Variants in PKLR observed in about 807,000 individuals in gnomAD.
PKLR encodes the protein pyruvate kinase L/R, also known as pyruvate kinase PKLR.
PKLR carries 38 observed loss-of-function variants against 53.6 expected under a neutral mutation model. The observed-to-expected ratio is 0.71, with a 90% confidence interval of 0.55 to 0.93. The LOEUF is 0.93. PKLR is among the 40% of genes least tolerant of loss of function. The pLI is 0.00. For synonymous variants in PKLR, 328 were observed against 316.2 expected (o/e 1.04, Z -0.39); for missense variants, 702 against 787.3 (o/e 0.89, Z 1.30).
At chr1:155,301,535 C>T, upstream of PKLR, 2 of 1,023,772 alleles carry the variant, frequency 2.0e-6, no homozygotes, top group South Asian at 2.8e-5. Context: ...GAATCCCTCC[C>T]CCAGAACGGC....
Position 155,295,225 on chromosome 1 carries a change from C to T in PKLR, c.585G>A (p.Gly195=), listed in dbSNP as rs754361540. Residue 195 remains glycine, a synonymous_variant, in exon 5 of 11, where the codon GGG becomes GGA. Coordinates refer to ENST00000342741, the MANE Select transcript of PKLR (RefSeq NM_000298.6). The surrounding 1 kb of genome is among the most constrained non-coding windows in gnomAD (Gnocchi z 4.3). ...VTVDPAFRTR[G]NANTVWVDYP... ...AGTCCACCCACACGGTGTTCGCGTT[C>T]CCCCGCGTCCGGAACGCGGGGTCCA... The T allele has an allele frequency of 6.2e-7, 1 of 1,613,936 alleles. No individual in the cohort carries two copies. The highest frequency in any genetic ancestry group is 2.2e-5 in the East Asian group (1 of 44,886).
intron 1 of PKLR, 138 bp from the exon 2 acceptor site, chr1:155,300,418 T>C: frequency 5.7e-6 from 4 of 703,344 alleles, no homozygotes; most frequent in Admixed American, 4.5e-5. Context: ...GTCACAAGGA[T>C]CCTATAAAGC....
In PKLR at chr1:155,290,644, C is replaced by G; in HGVS notation, c.1653G>C (p.Leu551=). 1 of 1,613,512 alleles carries G rather than the reference C, an allele frequency of 6.2e-7. No homozygotes were observed. The highest frequency in any genetic ancestry group is 8.5e-7 in the Non-Finnish European group (1 of 1,179,552). The change falls in exon 11 of 11, where the codon CTG becomes CTC. Residue 551 remains leucine (L), a synonymous_variant. Transcript: ENST00000342741. The part of the protein sequence containing the change: ...KLRGFLRVGD[L]VIVVTGWRPG... ...GTCGCCAGCCTGTCACCACAATCAC[C>G]AGGTCTCCAACACGGAGGAAGCCAC...
Position 155,299,045 on chromosome 1 carries a change from T to TTCC in PKLR, c.283+1052_283+1053insGGA, listed in dbSNP as rs1557963611. Among the ~76,000 whole-genome samples, 43 of 119,904 alleles carry TTCC rather than the reference T, an allele frequency of 3.6e-4. 4 individuals carry two copies. Among genetic ancestry groups the TTCC allele is most frequent in the East Asian group, 2.1e-3 (8 of 3,870 alleles). 78.7% of individuals were successfully genotyped at this position (119,904 alleles called of 152,430 possible). A position where few individuals can be genotyped will look rare whatever the true frequency, so the allele number is the denominator to read the frequency against. Reference sequence around the variant, plus strand: ...TTCTTTCTTTCTTTCTCTTTCTTTCTTTCTTTCCTTCCTTCCTTCCTTCCT... The same window carrying TTCC: ...TTCTTTCTTTCTTTCTCTTTCTTTCTTCCTTCTTTCCTTCCTTCCTTCCTTCCT... On this transcript the variant is annotated intron_variant, in intron 2 of 10. Transcript: ENST00000342741.
rs917170287 is a variant in PKLR at position 155,291,916 on chromosome 1, C to A, written c.1458G>T (p.Arg486=). The A allele has an allele frequency of 6.2e-7, 1 of 1,613,316 alleles. No homozygotes were observed. Among genetic ancestry groups the A allele is most frequent in the African/African-American group, 1.3e-5 (1 of 74,870 alleles). Residue 486 remains arginine (R), a synonymous_variant, in exon 10 of 11, where the codon CGG becomes CGT. Transcript: ENST00000342741. The stretch of plus-strand genomic sequence containing the variant: ...CAATGACTGCTGCCCGAGGTCGGTA[C>A]CGAGACAGAAGCTGGGCTGAGCTGG... ...TTGRSAQLLS[R]YRPRAAVIAV...
At chr1:155,299,030 CTT>C (rs1364715959) in intron 2 of PKLR, among the ~76,000 whole-genome samples, 4 of 84,650 alleles carry the variant, frequency 4.7e-5, no homozygotes, top group Admixed American at 1.1e-4. Flanking sequence ...TTCTTTCTTT[CTT>C]TCTCTTTCTT....
chr1:155,307,361 G>C, the PKLR span, among the ~76,000 whole-genome samples: 1 of 152,218 alleles, frequency 6.6e-6, no homozygotes, highest in East Asian at 1.9e-4. Context: ...GCGTGAACCA[G>C]AGCAACTCCA....
Position 155,293,121 on chromosome 1 carries a change from T to TACC in PKLR, c.1436+55_1436+56insGGT. 1 of 1,542,330 alleles carries TACC rather than the reference T, an allele frequency of 6.5e-7. No homozygotes were observed. On this transcript the variant is annotated intron_variant, in intron 9 of 10. Transcript: ENST00000342741. This position sits in a 1 kb window ranked among gnomAD's most constrained non-coding sequence, Gnocchi z 4.2. Reference sequence around the variant, plus strand: ...AGACTAAACCCAAGCCTGGGGCCCGTCCCAGCCCACCCCTGACCCAAAGCT... The same window carrying TACC: ...AGACTAAACCCAAGCCTGGGGCCCGTACCCCCAGCCCACCCCTGACCCAAAGCT...
intron 1 of PKLR, chr1:155,300,730 C>T (rs1245730687): frequency 8.0e-6 from 7 of 871,766 alleles, no homozygotes; most frequent in African/African-American, 5.0e-5. Context: ...CTCCAAAGGT[C>T]TCTGTTTTCT....
At position 155,291,849 on chromosome 1, in the gene PKLR, A is replaced by G. The variant is rs760208078; in HGVS notation, c.1525T>C (p.Cys509Arg). The G allele has an allele frequency of 6.2e-7, 1 of 1,614,150 alleles. No individual in the cohort carries two copies. Among genetic ancestry groups the G allele is most frequent in the Non-Finnish European group, 8.5e-7 (1 of 1,180,010 alleles). The change falls in exon 10 of 11, where the codon TGC becomes CGC. Residue 509 changes from cysteine to arginine, a missense_variant. Cys to Arg is a radical substitution (Grantham distance 180). Transcript: ENST00000342741. ...SAQAARQVHL[C>R]RGVFPLLYRE... The stretch of plus-strand genomic sequence containing the variant: ...TAAAGCAAGGGGAAGACTCCTCGGC[A>G]TAAGTGGACCTGGCGGGCAGCCTGG...
intron 1 of PKLR, 157 bp downstream of exon 1, chr1:155,301,139 A>G: frequency 1.5e-6 from 2 of 1,345,470 alleles, no homozygotes; most frequent in Non-Finnish European, 2.1e-6. Context: ...GCCAGGGTCC[A>G]TAATTTAACA....
At chr1:155,300,613 C>T (rs1164528438) in intron 1 of PKLR, among the ~76,000 whole-genome samples, 1 of 152,074 alleles carries the variant, frequency 6.6e-6, no homozygotes, top group Non-Finnish European at 1.5e-5. Context: ...CCGCACAACC[C>T]AGGACCCCCC....
chr1:155,293,555 C>T lies in PKLR; in HGVS notation c.1152G>A (p.Thr384=), dbSNP rs761048881. ...LESMITKPRP[T]RAETSDVANA... ...TGGCGACATCGCTTGTCTCTGCCCT[C>T]GTTGGCCGGGGCTTGGTAATCATGC... The change falls in exon 8 of 11, where the codon ACG becomes ACA. Residue 384 remains threonine (T), a synonymous_variant. Coordinates refer to ENST00000342741, the MANE Select transcript of PKLR (RefSeq NM_000298.6). This position sits in a 1 kb window ranked among gnomAD's most constrained non-coding sequence, Gnocchi z 4.2. The T allele has an allele frequency of 8.7e-6, 14 of 1,614,074 alleles. No homozygotes were observed. Among genetic ancestry groups the T allele is most frequent in the Admixed American group, 5.0e-5 (3 of 60,006 alleles).
chr1:155,295,112 G>C lies in PKLR; in HGVS notation c.694+4C>G. 1 of 1,613,734 alleles carries C rather than the reference G, an allele frequency of 6.2e-7. No individual in the cohort carries two copies. Among genetic ancestry groups the C allele is most frequent in the Non-Finnish European group, 8.5e-7 (1 of 1,179,812 alleles). ...TGTGGTCAGGGCGGGAGGCGCGTCC[G>C]CACCGATTTTCTGGACCACTAGGGA... On this transcript the variant is annotated splice_donor_region_variant and intron_variant, in intron 5 of 10. Coordinates refer to ENST00000342741, the MANE Select transcript of PKLR (RefSeq NM_000298.6). This position sits in a 1 kb window ranked among gnomAD's most constrained non-coding sequence, Gnocchi z 4.3.
In PKLR at chr1:155,290,552, C is replaced by T. The variant is rs775724792; in HGVS notation, c.*20G>A. ...GGATGGGGTACAAGGGTAGGCTGGG[C>T]CAGAGGAGGGAGGGGCGTCTCAGGA... On this transcript the variant is annotated 3_prime_UTR_variant, in exon 11 of 11. Coordinates refer to ENST00000342741, the MANE Select transcript of PKLR (RefSeq NM_000298.6). The T allele has an allele frequency of 1.5e-5, 22 of 1,468,878 alleles. No homozygotes were observed. The highest frequency in any genetic ancestry group is 1.7e-4 in the Middle Eastern group (1 of 5,808). The allele number at this position is 1,468,878 out of a possible 1,614,324, so 91.0% of individuals were successfully genotyped here.
chr1:155,295,141 G>A lies in PKLR; in HGVS notation c.669C>T (p.Leu223=). Residue 223 remains leucine, a synonymous_variant, in exon 5 of 11, where the codon CTC becomes CTT. Coordinates refer to ENST00000342741, the MANE Select transcript of PKLR (RefSeq NM_000298.6). The surrounding 1 kb of genome is among the most constrained non-coding windows in gnomAD (Gnocchi z 4.3). The part of the protein sequence containing the change: ...VGGRIYIDDG[L]ISLVVQKIGP... ...CGATTTTCTGGACCACTAGGGAGAT[G>A]AGCCCGTCGTCAATGTAGATGCGGC... The A allele has an allele frequency of 6.2e-7, 1 of 1,614,136 alleles. No homozygotes were observed. The highest frequency in any genetic ancestry group is 1.7e-5 in the Admixed American group (1 of 60,034).
Position 155,295,821 on chromosome 1 carries a change from C to T in PKLR, c.284-65G>A. On this transcript the variant is annotated intron_variant, in intron 2 of 10. Coordinates refer to ENST00000342741, the MANE Select transcript of PKLR (RefSeq NM_000298.6). This position sits in a 1 kb window ranked among gnomAD's most constrained non-coding sequence, Gnocchi z 4.3. ...AACATGAGAGGCAACCAAACCCAAC[C>T]CATTACCATTCTCAGAACGCCTCAC... The T allele has an allele frequency of 7.2e-7, 1 of 1,388,178 alleles. No individual in the cohort carries two copies. Among genetic ancestry groups the T allele is most frequent in the Non-Finnish European group, 1.0e-6 (1 of 975,570 alleles). 86.0% of individuals were successfully genotyped at this position (1,388,178 alleles called of 1,614,324 possible). A position where few individuals can be genotyped will look rare whatever the true frequency, so the allele number is the denominator to read the frequency against.
At position 155,293,427 on chromosome 1, in the gene PKLR, T is replaced by A; in HGVS notation, c.1269+11A>T. On this transcript the variant is annotated intron_variant, in intron 8 of 10. Coordinates refer to ENST00000342741, the MANE Select transcript of PKLR (RefSeq NM_000298.6). The surrounding 1 kb of genome is among the most constrained non-coding windows in gnomAD (Gnocchi z 4.2). ...TCCCTGGCCCATTTGCTTTTCATTC[T>A]GAGCTCCTACCGCATGCTGCATCTT... The A allele has an allele frequency of 1.9e-6, 3 of 1,614,272 alleles. No individual in the cohort carries two copies. The highest frequency in any genetic ancestry group is 2.5e-6 in the Non-Finnish European group (3 of 1,180,052).
rs1384926102 is a variant in PKLR, at chr1:155,295,918, C to T, written c.284-162G>A. Among the ~76,000 whole-genome samples the T allele has an allele frequency of 1.3e-5, 2 of 152,244 alleles. No individual in the cohort carries two copies. The highest frequency in any genetic ancestry group is 2.9e-5 in the Non-Finnish European group (2 of 68,040). On this transcript the variant is annotated intron_variant, in intron 2 of 10. Coordinates refer to ENST00000342741, the MANE Select transcript of PKLR (RefSeq NM_000298.6). This position sits in a 1 kb window ranked among gnomAD's most constrained non-coding sequence, Gnocchi z 4.3. ...TGCCCACAGATCACAGACTCCCCTT[C>T]CCTCTCAAGCCAACATCCATCCCCT... is the stretch of plus-strand genomic sequence containing the variant.
Sources: allele counts gnomAD v4.1 joint callset (sites outside exome capture counted in the v4.1 genomes callset), GRCh38; gene constraint gnomAD v4.1.1; non-coding constraint Gnocchi (gnomAD v3.1); transcripts MANE v1.5; gene names NCBI Gene and HGNC (gene_info 2026-07-23, HGNC 2026-07-21).